TMPRSS7: variants seen among roughly 807,000 people sequenced by gnomAD.
The protein encoded by TMPRSS7 is transmembrane protease serine 7.
TMPRSS7 carries 81 observed loss-of-function variants against 95.6 expected under a neutral mutation model. The ratio of observed to expected loss-of-function variants is 0.85; its 90% confidence interval spans 0.71 to 1.02. TMPRSS7 has a LOEUF of 1.02. TMPRSS7 is among the 50% of genes least tolerant of loss of function. The probability of loss-of-function intolerance (pLI) is 0.00; values close to 1 mark genes in which losing one functional copy is unlikely to be tolerated. For synonymous variants in TMPRSS7, 364 were observed against 337.8 expected (o/e 1.08, Z -0.85); for missense variants, 945 against 955.2 (o/e 0.99, Z 0.14).
chr3:112,034,737 G>A (rs1401918907), upstream of TMPRSS7: 4 of 665,470 alleles, frequency 6.0e-6, no homozygotes, highest in Non-Finnish European at 1.1e-5. Flanking sequence ...TCCTCTGAAA[G>A]CTAGCTTGAA....
intron 10 of TMPRSS7, among the ~76,000 whole-genome samples, chr3:112,060,401 G>A (rs906876933): frequency 6.6e-6 from 1 of 152,158 alleles, no homozygotes; most frequent in East Asian, 1.9e-4. Flanking sequence ...CACTAAGGGA[G>A]ACTGGGGCTT....
intron 13 of TMPRSS7, among the ~76,000 whole-genome samples, chr3:112,067,371 T>C (rs2073590356): frequency 6.6e-6 from 1 of 152,272 alleles, no homozygotes; most frequent in South Asian, 2.1e-4. Context: ...GGTCAAATGG[T>C]ATTTGTAGTT....
intron 16 of TMPRSS7, among the ~76,000 whole-genome samples, chr3:112,077,884 C>T (rs1397187121): frequency 6.6e-6 from 1 of 152,194 alleles, no homozygotes; most frequent in African/African-American, 2.4e-5. Flanking sequence ...TATCCCCAAA[C>T]GCTAGTGCTA....
rs369569496 is a variant in TMPRSS7 at position 112,042,015 on chromosome 3, G to A, written c.394G>A (p.Glu132Lys). Residue 132 changes from glutamate to lysine, a missense_variant, in exon 3 of 18, where the codon GAA (glutamate) becomes AAA (lysine). Transcript: ENST00000452346. ...CGAATACCGACAAAAGGAGTCCAGG[G>A]AATTTCTTTCAGTGTCACGGACTGT... 1.7e-4 allele frequency: 257 copies of A among 1,551,460 alleles called. No homozygotes were observed. The highest frequency in any genetic ancestry group is 2.2e-4 in the Non-Finnish European group (247 of 1,146,954).
At chr3:112,036,407 A>G (rs762401484) in intron 1 of TMPRSS7, among the ~76,000 whole-genome samples, 1 of 152,142 alleles carries the variant, frequency 6.6e-6, no homozygotes, top group Non-Finnish European at 1.5e-5. Context: ...CATCTCTACT[A>G]CAAATACAGA....
intron 7 of TMPRSS7, 54 bp downstream of exon 7, chr3:112,048,021 TTTACAGTA>T (rs1576101849): frequency 6.5e-7 from 1 of 1,534,206 alleles, no homozygotes; most frequent in East Asian, 2.3e-5. Flanking sequence ...CAACCTCTGT[TTTACAGTA>T]TCTGTGTTCC....
exon 7 of TMPRSS7, chr3:112,047,790 C>G (rs200116273): frequency 1.2e-5 from 20 of 1,614,058 alleles, no homozygotes; most frequent in Admixed American, 1.7e-5. Context: ...CTCCACTACC[C>G]GCTGGAGATT....
chr3:112,044,800 T>G (rs1250643274), intron 4 of TMPRSS7, among the ~76,000 whole-genome samples: 1 of 135,872 alleles, frequency 7.4e-6, no homozygotes, highest in African/African-American at 2.7e-5. Context: ...CACAATCCAC[T>G]TTGACATATT....
At chr3:112,044,185 C>A in intron 3 of TMPRSS7, 70 bp from the exon 4 acceptor site, 1 of 1,153,096 alleles carries the variant, frequency 8.7e-7, no homozygotes, top group Non-Finnish European at 1.3e-6. Context: ...CTTGGGCCTA[C>A]AACATTTAAG....
exon 13 of TMPRSS7, chr3:112,066,446 T>C (rs2073576765): frequency 1.2e-6 from 2 of 1,613,914 alleles, no homozygotes; most frequent in African/African-American, 1.3e-5. Flanking sequence ...GGCCCTCTCA[T>C]CTGTGATGGC....
intron 13 of TMPRSS7, among the ~76,000 whole-genome samples, chr3:112,073,501 A>AT (rs1176464516): frequency 6.6e-6 from 1 of 151,964 alleles, no homozygotes; most frequent in African/African-American, 2.4e-5. Flanking sequence ...GATGATGAGC[A>AT]TTTTTTCATG....
chr3:112,054,227 C>T (rs925944128), intron 9 of TMPRSS7, among the ~76,000 whole-genome samples: 10 of 152,190 alleles, frequency 6.6e-5, no homozygotes, highest in African/African-American at 2.4e-4. Context: ...CTCCTGCATC[C>T]TATCACCATC....
At chr3:112,063,491 G>T (rs1383629528) in intron 11 of TMPRSS7, 34 bp from the exon 12 acceptor site, 6 of 1,554,302 alleles carry the variant, frequency 3.9e-6, no homozygotes, top group Non-Finnish European at 5.3e-6. Context: ...ATCTATCCAA[G>T]ATTTTCTATT....
exon 18 of TMPRSS7, chr3:112,081,156 G>T: frequency 6.8e-7 from 1 of 1,476,988 alleles, no homozygotes; most frequent in Non-Finnish European, 9.1e-7. Flanking sequence ...TAATTGGCTG[G>T]GTGCGCTGGC....
chr3:112,077,177 C>G, intron 16 of TMPRSS7, 33 bp downstream of exon 16: 1 of 1,604,038 alleles, frequency 6.2e-7, no homozygotes, highest in East Asian at 2.2e-5. Flanking sequence ...ATGCCCTTCC[C>G]CTGCAGAGGA....
intron 13 of TMPRSS7, 29 bp downstream of exon 13, chr3:112,066,531 T>C (rs1405897057): frequency 1.3e-6 from 2 of 1,595,496 alleles, no homozygotes; most frequent in African/African-American, 2.7e-5. Flanking sequence ...TGCCCTGCTG[T>C]TCCTCCTATG....
At chr3:112,066,015 GA>G (rs1214864336) in intron 12 of TMPRSS7, among the ~76,000 whole-genome samples, 2 of 152,148 alleles carry the variant, frequency 1.3e-5, no homozygotes, top group Non-Finnish European at 2.9e-5. Flanking sequence ...AGATGAAGAA[GA>G]CAAAATCTCC....
Position 112,050,674 on chromosome 3 carries a change from G to A in TMPRSS7, c.1094G>A (p.Cys365Tyr), listed in dbSNP as rs1031638345. 4 of 1,586,088 alleles carry A rather than the reference G, an allele frequency of 2.5e-6. No homozygotes were observed. The African/African-American group carries it at 4.1e-5, about 16-fold the overall frequency. Reference sequence around the variant, plus strand: ...TGTCACTGGGTATCTTTTCCAGAGTGTGAAAACACAGTGTTGGTCAAAGAC... The same window carrying A: ...TGTCACTGGGTATCTTTTCCAGAGTATGAAAACACAGTGTTGGTCAAAGAC... Residue 365 changes from cysteine to tyrosine, a missense_variant, in exon 9 of 18, where the codon TGT becomes TAT. Cys to Tyr is a radical substitution (Grantham distance 194). Transcript: ENST00000452346.
chr3:112,057,934 C>T (rs1458031887), intron 10 of TMPRSS7, among the ~76,000 whole-genome samples: 2 of 152,008 alleles, frequency 1.3e-5, no homozygotes, highest in South Asian at 2.1e-4. Flanking sequence ...CCATGTTGGC[C>T]GGGCTGGTGT....
Sources: allele counts gnomAD v4.1 joint callset (sites outside exome capture counted in the v4.1 genomes callset), GRCh38; gene constraint gnomAD v4.1.1; transcripts MANE v1.5; gene names NCBI Gene and HGNC (gene_info 2026-07-23, HGNC 2026-07-21).